The following ZFAND4 variants were observed in gnomAD, a reference collection of about 807,000 sequenced individuals.
ZFAND4 encodes the protein zinc finger AN1-type containing 4, also known as AN1-type zinc finger protein 4.
A neutral mutation model predicts 64.4 loss-of-function variants in ZFAND4; 43 were observed. That is an observed-to-expected ratio of 0.67 (90% CI 0.52 to 0.86). The LOEUF is 0.86. ZFAND4 is among the 40% of genes least tolerant of loss of function. The pLI is 0.00. For missense variants in ZFAND4, 929 were observed against 859.8 expected (o/e 1.08, Z -1.01); for synonymous variants, 296 against 305.7 (o/e 0.97, Z 0.33).
chr10:45,638,187 A>G (rs1218548606), intron 6 of ZFAND4, among the ~76,000 whole-genome samples: 3 of 152,012 alleles, frequency 2.0e-5, no homozygotes, highest in African/African-American at 4.8e-5. Flanking sequence ...ATTGGTTCAA[A>G]TGCTTGGCAA....
intron 5 of ZFAND4, 23 bp downstream of exon 5, chr10:45,648,271 G>T (rs555526778): frequency 1.3e-6 from 2 of 1,561,742 alleles, no homozygotes; most frequent in Non-Finnish European, 8.6e-7. Flanking sequence ...ACAACACAAG[G>T]TAAACAAAAG....
chr10:45,635,319 T>C (rs1328799932), intron 6 of ZFAND4, among the ~76,000 whole-genome samples: 1 of 145,616 alleles, frequency 6.9e-6, no homozygotes, highest in East Asian at 2.0e-4. Context: ...GACATGAACA[T>C]AGATGCACAA....
Position 45,625,446 on chromosome 10 carries a change from C to G in ZFAND4, c.1872+505G>C, listed in dbSNP as rs543187234. The stretch of plus-strand genomic sequence containing the variant: ...CCGAGATAGCGCCATTGCACTCCAG[C>G]CTGGGTGAAAGAGCGAGACTCCGTC... On this transcript the variant is annotated intron_variant, in intron 7 of 9. Coordinates refer to ENST00000344646, the MANE Select transcript of ZFAND4 (RefSeq NM_174890.4). Among the ~76,000 whole-genome samples, 77 of 141,840 alleles carry G rather than the reference C, an allele frequency of 5.4e-4. 1 individual carries two copies. The East Asian group carries it at 0.015, about 28-fold the overall frequency. 93.1% of individuals were successfully genotyped at this position (141,840 alleles called of 152,430 possible).
At chr10:45,638,486 GA>G (rs904457872) in intron 6 of ZFAND4, among the ~76,000 whole-genome samples, 10 of 149,972 alleles carry the variant, frequency 6.7e-5, no homozygotes, top group African/African-American at 2.5e-4. Flanking sequence ...TCTCAAAAAA[GA>G]AAAAAAACAA....
chr10:45,671,778 C>T (rs538068215), intron 1 of ZFAND4, among the ~76,000 whole-genome samples: 1 of 151,256 alleles, frequency 6.6e-6, no homozygotes, highest in South Asian at 2.1e-4. Context: ...ACATGTATAG[C>T]TATGTACCAA....
intron 4 of ZFAND4, 53 bp from the exon 5 acceptor site, chr10:45,648,587 C>G: frequency 6.5e-7 from 1 of 1,548,278 alleles, no homozygotes; most frequent in Non-Finnish European, 8.7e-7. Flanking sequence ...TTTTATGCAT[C>G]TTGGTACAGT....
chr10:45,629,204 A>G (rs550695236), intron 6 of ZFAND4, among the ~76,000 whole-genome samples: 1 of 152,262 alleles, frequency 6.6e-6, no homozygotes, highest in East Asian at 1.9e-4. Context: ...CTGGGACTAC[A>G]GACACACATC....
chr10:45,655,178 T>C (rs1343597458), intron 2 of ZFAND4, among the ~76,000 whole-genome samples: 1 of 152,052 alleles, frequency 6.6e-6, no homozygotes, highest in Non-Finnish European at 1.5e-5. Context: ...TGGAATAAAA[T>C]TAGAAATCAA....
At chr10:45,629,031 G>A (rs1189722557) in intron 6 of ZFAND4, among the ~76,000 whole-genome samples, 1 of 151,846 alleles carries the variant, frequency 6.6e-6, no homozygotes, top group African/African-American at 2.4e-5. Flanking sequence ...CTAAGATATG[G>A]GATATCAAAC....
chr10:45,653,152 G>C, intron 2 of ZFAND4, 93 bp from the exon 3 acceptor site: 1 of 959,080 alleles, frequency 1.0e-6, no homozygotes, highest in South Asian at 1.7e-5. Context: ...GGAACTAAGA[G>C]CACTAAAAAA....
intron 6 of ZFAND4, among the ~76,000 whole-genome samples, chr10:45,638,609 C>T (rs2133688151): frequency 6.6e-6 from 1 of 152,234 alleles, no homozygotes; most frequent in Middle Eastern, 3.4e-3. Context: ...TAGGTATATG[C>T]TCCAAAGAAA....
Position 45,639,955 on chromosome 10 carries a change from G to A in ZFAND4, c.578C>T (p.Ser193Phe). Residue 193 changes from serine (S) to phenylalanine (F), a missense_variant, in exon 6 of 10, where the codon TCT becomes TTT. By Grantham distance (155) the Ser-to-Phe change is radical. Coordinates refer to ENST00000344646, the MANE Select transcript of ZFAND4 (RefSeq NM_174890.4). Reference protein sequence around the residue: ...RKGEHRMSGGSMYNSDTDEDE... With the variant: ...RKGEHRMSGGFMYNSDTDEDE... ...CTCATCTGTATCTGAATTATACATA[G>A]AACCACCACTGCAAAGAAAACAATA... 2.5e-6 allele frequency: 4 copies of A among 1,604,550 alleles called. No homozygotes were observed. Among genetic ancestry groups the A allele is most frequent in the Non-Finnish European group, 3.4e-6 (4 of 1,177,810 alleles).
At chr10:45,650,641 A>T (rs542133661) in intron 4 of ZFAND4, 23 of 152,342 alleles carry the variant, frequency 1.5e-4, no homozygotes, top group Admixed American at 1.2e-3. Context: ...TTTGGTTTAA[A>T]GTAGTACTAC....
chr10:45,651,781 A>G (rs1453554985), intron 4 of ZFAND4, among the ~76,000 whole-genome samples, 185 bp downstream of exon 4: 2 of 152,178 alleles, frequency 1.3e-5, no homozygotes, highest in Non-Finnish European at 2.9e-5. Flanking sequence ...ATTTTTCTGA[A>G]TTGTATTTTA....
intron 6 of ZFAND4, among the ~76,000 whole-genome samples, chr10:45,637,630 A>G (rs181732977): frequency 6.6e-6 from 1 of 151,906 alleles, no homozygotes; most frequent in East Asian, 1.9e-4. Flanking sequence ...CGCACCCGTA[A>G]TCCCAGCTAT....
chr10:45,644,143 T>C (rs1306746838), intron 5 of ZFAND4, among the ~76,000 whole-genome samples: 1 of 152,224 alleles, frequency 6.6e-6, no homozygotes, highest in Non-Finnish European at 1.5e-5. Context: ...AACATAGTCA[T>C]AATTCAACAG....
chr10:45,635,214 C>CAAAAAAAAAAAAAAAAAA (rs76130878), intron 6 of ZFAND4, among the ~76,000 whole-genome samples: 4 of 68,252 alleles, frequency 5.9e-5, no homozygotes, highest in African/African-American at 1.1e-4. Context: ...AAAAAAAAAA[C>CAAAAAAAAAAAAAAAAAA]AAAAAAAAAA....
At chr10:45,654,529 G>A (rs2047975597) in intron 2 of ZFAND4, among the ~76,000 whole-genome samples, 1 of 151,740 alleles carries the variant, frequency 6.6e-6, no homozygotes, top group Non-Finnish European at 1.5e-5. Flanking sequence ...TGAGGCAGGA[G>A]AATCACTTGA....
chr10:45,651,455 G>A (rs1156812851), intron 4 of ZFAND4: 5 of 415,712 alleles, frequency 1.2e-5, no homozygotes, highest in Admixed American at 1.1e-4. Flanking sequence ...TTCAGTAGAC[G>A]CTCAATACGT....
Sources: gnomAD v4.1 joint callset for allele counts (sites outside exome capture counted in the v4.1 genomes callset) on GRCh38, gnomAD v4.1.1 for gene constraint, MANE v1.5 for transcripts, NCBI Gene and HGNC (gene_info 2026-07-23, HGNC 2026-07-21) for gene names.